Variants in LAMC3 observed in about 807,000 individuals in gnomAD.
The protein encoded by LAMC3 is laminin subunit gamma-3.
Under a neutral mutation model 173.8 loss-of-function variants are expected in LAMC3, and 128 were observed. That is an observed-to-expected ratio of 0.74 (90% CI 0.64 to 0.85). The LOEUF (loss-of-function observed/expected upper bound fraction) is 0.85. LAMC3 is among the 40% of genes least tolerant of loss of function. The pLI, the probability that LAMC3 is intolerant of heterozygous loss-of-function variation, is 0.00. For synonymous variants in LAMC3, 897 were observed against 909.1 expected (o/e 0.99, Z 0.24); for missense variants, 2,022 against 2,156.0 (o/e 0.94, Z 1.23).
chr9:131,075,896 G>A lies in LAMC3; in HGVS notation c.3560G>A (p.Ser1187Asn). Residue 1187 changes from serine (S) to asparagine (N), a missense_variant, in exon 21 of 28, where the codon AGC becomes AAC. By Grantham distance (46) the Ser-to-Asn change is conservative. Coordinates refer to ENST00000361069, the MANE Select transcript of LAMC3 (RefSeq NM_006059.4). ...AGGGCCCTGCTCGCCTCCAACACCA[G>A]CTACGCGCTTCTCTGGAATCTGCTG... Reference protein sequence around the residue: ...AWRALLASNTSYALLWNLLEG... With the variant: ...AWRALLASNTNYALLWNLLEG... 6.2e-7 allele frequency: 1 copy of A among 1,612,602 alleles called. No homozygotes were observed. Among genetic ancestry groups the A allele is most frequent in the Non-Finnish European group, 8.5e-7 (1 of 1,179,280 alleles).
intron 2 of LAMC3, among the ~76,000 whole-genome samples, chr9:131,027,972 G>A (rs1319641345): frequency 2.0e-5 from 3 of 152,252 alleles, no homozygotes; most frequent in African/African-American, 7.2e-5. Flanking sequence ...ACACAAGTGT[G>A]TTGGGTGGCT....
rs1249343175 is a variant in LAMC3, at chr9:131,049,067, C to A, written c.1567C>A (p.Pro523Thr). Residue 523 changes from proline (P) to threonine (T), a missense_variant, in exon 9 of 28, where the codon CCA (proline) becomes ACA (threonine). By Grantham distance (38) the Pro-to-Thr change is conservative. Transcript: ENST00000361069. Reference sequence around the variant, plus strand: ...AAGTGTGGGGGGCTCTGAGCACCCCCCACAATGGAGCCCAAATGGGGTCCT... The same window carrying A: ...AAGTGTGGGGGGCTCTGAGCACCCCACACAATGGAGCCCAAATGGGGTCCT... ...ARSVGGSEHP[P>T]QWSPNGVLLS... The A allele has an allele frequency of 6.4e-7, 1 of 1,552,212 alleles. No individual in the cohort carries two copies. The highest frequency in any genetic ancestry group is 2.4e-5 in the East Asian group (1 of 40,954).
At chr9:131,034,549 C>G (rs1833905805) in intron 3 of LAMC3, among the ~76,000 whole-genome samples, 1 of 151,988 alleles carries the variant, frequency 6.6e-6, no homozygotes, top group Admixed American at 6.5e-5. Context: ...AGCTCAGGGT[C>G]CACGTGGAGT....
chr9:131,086,925 A>T (rs979538676), intron 25 of LAMC3, among the ~76,000 whole-genome samples: 1 of 151,128 alleles, frequency 6.6e-6, no homozygotes, highest in East Asian at 2.0e-4. Flanking sequence ...GGGTCTCACT[A>T]TGTTGCCCAG....
At chr9:131,071,450 A>G in intron 17 of LAMC3, 34 bp from the exon 18 acceptor site, 2 of 1,596,296 alleles carry the variant, frequency 1.3e-6, no homozygotes, top group Non-Finnish European at 1.7e-6. Context: ...CCATGCCACC[A>G]GCCTCATACA....
chr9:131,044,589 G>A (rs1336309012), intron 7 of LAMC3, among the ~76,000 whole-genome samples: 1 of 152,208 alleles, frequency 6.6e-6, no homozygotes, highest in Non-Finnish European at 1.5e-5. Context: ...CGTGGTGATT[G>A]CACAGTGGAG....
chr9:131,059,559 C>T (rs1272287799), intron 12 of LAMC3, among the ~76,000 whole-genome samples: 2 of 42,720 alleles, frequency 4.7e-5, no homozygotes, highest in South Asian at 8.9e-4. Flanking sequence ...AGCACAACCA[C>T]ACGCCACACG....
Position 131,039,219 on chromosome 9 carries a change from G to A in LAMC3, c.1254G>A (p.Gly418=). 6.2e-7 allele frequency: 1 copy of A among 1,606,864 alleles called. No individual in the cohort carries two copies. The highest frequency in any genetic ancestry group is 1.1e-5 in the South Asian group (1 of 91,088). ...GGAAGTGTGACCGCTGTCTGCCCGGGTTCCACTCGCTCAGTGAGGGAGGCT... is the reference window on the plus strand; with the variant it reads ...GGAAGTGTGACCGCTGTCTGCCCGGATTCCACTCGCTCAGTGAGGGAGGCT... ...TGWKCDRCLP[G]FHSLSEGGCR... The change falls in exon 6 of 28, where the codon GGG becomes GGA. Residue 418 remains glycine (G), a synonymous_variant. Transcript: ENST00000361069.
chr9:131,071,373 T>G, intron 17 of LAMC3, 111 bp from the exon 18 acceptor site: 2 of 1,291,620 alleles, frequency 1.5e-6, no homozygotes, highest in South Asian at 1.3e-5. Context: ...CAGGGGAGGA[T>G]TTGGAGAAGG....
intron 9 of LAMC3, among the ~76,000 whole-genome samples, chr9:131,050,950 A>T (rs1834272325): frequency 6.6e-6 from 1 of 152,030 alleles, no homozygotes; most frequent in Non-Finnish European, 1.5e-5. Context: ...CGTGCTGGTG[A>T]TTGATTCTGG....
chr9:131,077,219 T>G lies in LAMC3; in HGVS notation c.3662T>G (p.Leu1221Arg). ...YQEVQAAQKA[L>R]RTAVAEVLPE... is the part of the protein sequence containing the mutation. ...GAGGTCCAGGCGGCCCAGAAAGCAC[T>G]GAGGACGGCTGTGGCAGAGGTGCTG... The change falls in exon 22 of 28, where the codon CTG becomes CGG. Residue 1221 changes from leucine (L) to arginine (R), a missense_variant. By Grantham distance (102) the Leu-to-Arg change is moderately radical (BLOSUM62 -2). Coordinates refer to ENST00000361069, the MANE Select transcript of LAMC3 (RefSeq NM_006059.4). 2 of 1,613,900 alleles carry G rather than the reference T, an allele frequency of 1.2e-6. No homozygotes were observed. Among genetic ancestry groups the G allele is most frequent in the South Asian group, 1.1e-5 (1 of 91,084 alleles).
At chr9:131,045,230 A>AAC (rs1489695204) in intron 7 of LAMC3, among the ~76,000 whole-genome samples, 5 of 105,722 alleles carry the variant, frequency 4.7e-5, no homozygotes, top group Non-Finnish European at 1.0e-4. Flanking sequence ...TCAAAAAAAA[A>AAC]AAAAAACAAC....
At chr9:131,020,307 T>C (rs1171031936) in intron 1 of LAMC3, among the ~76,000 whole-genome samples, 2 of 152,242 alleles carry the variant, frequency 1.3e-5, no homozygotes, top group East Asian at 3.9e-4. Flanking sequence ...CCAGCCAAGC[T>C]CTTGGCACTT....
At position 131,026,848 on chromosome 9, in the gene LAMC3, A is replaced by G. The variant is rs1011512603; in HGVS notation, c.678+259A>G. 5.9e-5 allele frequency among the ~76,000 whole-genome samples: 9 copies of G among 152,176 alleles called. No homozygotes were observed. Among genetic ancestry groups the G allele is most frequent in the African/African-American group, 2.2e-4 (9 of 41,432 alleles). On this transcript the variant is annotated intron_variant, in intron 2 of 27. Transcript: ENST00000361069. This position sits in a 1 kb window ranked among gnomAD's most constrained non-coding sequence, Gnocchi z 4.8. ...CAGCCTGCCAAGTAACTGAGATTAC[A>G]GGTGCCCGCCACGACTCCTGGCTGA...
chr9:131,090,274 T>C (rs1206762355), intron 27 of LAMC3, among the ~76,000 whole-genome samples: 1 of 152,232 alleles, frequency 6.6e-6, no homozygotes, highest in African/African-American at 2.4e-5. Context: ...CTGTCATTCA[T>C]TCACTTGTCA....
chr9:131,046,518 A>ATTTTTTTTTTTTTT lies in LAMC3; in HGVS notation c.1519+871_1519+884dup, dbSNP rs71501242. Reference sequence around the variant, plus strand: ...ACCACCATGCCGAGCTAATTTTTGTATTTTTTTTTTTTTTTTTTTTTTTTT... The same window carrying ATTTTTTTTTTTTTT: ...ACCACCATGCCGAGCTAATTTTTGTATTTTTTTTTTTTTTTTTTTTTTTTTTTTTTTTTTTTTTT... On this transcript the variant is annotated intron_variant, in intron 8 of 27. Transcript: ENST00000361069. 5.3e-3 allele frequency among the ~76,000 whole-genome samples: 261 copies of ATTTTTTTTTTTTTT among 49,160 alleles called. 31 individuals carry two copies. Among genetic ancestry groups the ATTTTTTTTTTTTTT allele is most frequent in the Admixed American group, 7.6e-3 (21 of 2,768 alleles). The allele number at this position is 49,160 out of a possible 152,430, so 32.3% of individuals were successfully genotyped here.
intron 1 of LAMC3, among the ~76,000 whole-genome samples, chr9:131,013,049 T>TG (rs1340509597): frequency 6.6e-6 from 1 of 152,124 alleles, no homozygotes; most frequent in African/African-American, 2.4e-5. Flanking sequence ...GAGTGGACAG[T>TG]GACGGGGGTA....
At chr9:131,043,842 T>C (rs1306166224) in intron 7 of LAMC3, among the ~76,000 whole-genome samples, 3 of 152,142 alleles carry the variant, frequency 2.0e-5, no homozygotes, top group Non-Finnish European at 2.9e-5. Context: ...CCTCAAAATA[T>C]CTATTAATTA....
intron 25 of LAMC3, among the ~76,000 whole-genome samples, chr9:131,086,850 C>T (rs1830340808): frequency 6.6e-6 from 1 of 151,312 alleles, no homozygotes; most frequent in Non-Finnish European, 1.5e-5. Context: ...AACTGCACCA[C>T]TGCACTCCAG....
Sources: gnomAD v4.1 joint callset for allele counts (sites outside exome capture counted in the v4.1 genomes callset) on GRCh38, gnomAD v4.1.1 for gene constraint, Gnocchi (gnomAD v3.1) non-coding constraint, MANE v1.5 for transcripts, NCBI Gene and HGNC (gene_info 2026-07-23, HGNC 2026-07-21) for gene names.